The following PRIMA1 variants were observed in gnomAD, a reference collection of about 807,000 sequenced individuals.
The protein encoded by PRIMA1 is proline rich membrane anchor 1, also known as proline-rich membrane anchor 1.
Under a neutral mutation model 17.5 loss-of-function variants are expected in PRIMA1, and 7 were observed. The ratio of observed to expected loss-of-function variants is 0.40; its 90% CI spans 0.23 to 0.75. The LOEUF (loss-of-function observed/expected upper bound fraction) is 0.75. PRIMA1 is among the 30% of genes least tolerant of loss of function. The pLI, the probability that PRIMA1 is intolerant of heterozygous loss-of-function variation, is 0.37. For synonymous variants in PRIMA1, 97 were observed against 77.9 expected, an observed-to-expected ratio of 1.25 and a Z score of -1.29; for missense variants, 200 against 201.8, an observed-to-expected ratio of 0.99 and a Z score of 0.05.
At chr14:93,783,051 T>C (rs970526483) in intron 2 of PRIMA1, among the ~76,000 whole-genome samples, 1 of 152,206 alleles carries the variant, frequency 6.6e-6, no homozygotes, top group Non-Finnish European at 1.5e-5. Flanking sequence ...TCACCCCAAA[T>C]TAGACTCACC....
intron 3 of PRIMA1, among the ~76,000 whole-genome samples, chr14:93,766,640 A>T (rs1389925806): frequency 6.6e-6 from 1 of 152,220 alleles, no homozygotes; most frequent in African/African-American, 2.4e-5. Context: ...GCAGCATGAC[A>T]CAGAGAATTC....
chr14:93,733,437 C>T (rs1005752609), intron 4 of PRIMA1, among the ~76,000 whole-genome samples: 1 of 152,172 alleles, frequency 6.6e-6, no homozygotes, highest in Non-Finnish European at 1.5e-5. Flanking sequence ...GAGGGCCCTG[C>T]GGGGTGCGCC....
At chr14:93,724,064 T>C (rs2076059680) in intron 4 of PRIMA1, among the ~76,000 whole-genome samples, 1 of 152,124 alleles carries the variant, frequency 6.6e-6, no homozygotes. Context: ...TTTAAATTTT[T>C]TGTAGAGACA....
chr14:93,753,989 T>C (rs1318283498), intron 3 of PRIMA1, among the ~76,000 whole-genome samples: 2 of 152,248 alleles, frequency 1.3e-5, no homozygotes, highest in African/African-American at 2.4e-5. Context: ...CCTGCTGTGC[T>C]GTCTCTGAGC....
chr14:93,770,095 A>G lies in PRIMA1; in HGVS notation c.229+9081T>C, dbSNP rs191400603. Among the ~76,000 whole-genome samples, 7 of 152,216 alleles carry G rather than the reference A, an allele frequency of 4.6e-5. No homozygotes were observed. The East Asian group carries it at 1.4e-3, about 29-fold the overall frequency. On this transcript the variant is annotated intron_variant, in intron 3 of 4. Coordinates refer to ENST00000393140, the MANE Select transcript of PRIMA1 (RefSeq NM_178013.4). Reference sequence around the variant, plus strand: ...ATCACTGAGTGAGTCCCTGCTGCAGAATGATCTTAACTTAGACCAGGGCGT... The same window carrying G: ...ATCACTGAGTGAGTCCCTGCTGCAGGATGATCTTAACTTAGACCAGGGCGT...
intron 1 of PRIMA1, 89 bp from the exon 2 acceptor site, chr14:93,787,838 C>A: frequency 6.9e-7 from 1 of 1,439,322 alleles, no homozygotes. Flanking sequence ...CCGGGTCGGA[C>A]GGGCACGCCC....
At chr14:93,743,394 C>G (rs956398937) in intron 3 of PRIMA1, among the ~76,000 whole-genome samples, 1 of 152,252 alleles carries the variant, frequency 6.6e-6, no homozygotes, top group African/African-American at 2.4e-5. Flanking sequence ...CTGAAAGGAC[C>G]TGGCGCTTCA....
intron 2 of PRIMA1, among the ~76,000 whole-genome samples, chr14:93,785,273 A>T (rs972555280): frequency 6.6e-6 from 1 of 152,016 alleles, no homozygotes; most frequent in Non-Finnish European, 1.5e-5. Context: ...AATTCCAGAC[A>T]CATTAAAGAA....
At chr14:93,758,899 C>G (rs1012002139) in intron 3 of PRIMA1, among the ~76,000 whole-genome samples, 1 of 152,080 alleles carries the variant, frequency 6.6e-6, no homozygotes, top group Non-Finnish European at 1.5e-5. Context: ...CAAAGACAAT[C>G]GGCAATGCTA....
At chr14:93,756,414 A>G (rs536779410) in intron 3 of PRIMA1, among the ~76,000 whole-genome samples, 25 of 152,236 alleles carry the variant, frequency 1.6e-4, no homozygotes, top group South Asian at 8.3e-4. Context: ...AAAAAATGGA[A>G]AGTAAAAAAT....
At chr14:93,760,005 A>C (rs897039156) in intron 3 of PRIMA1, among the ~76,000 whole-genome samples, 5 of 152,224 alleles carry the variant, frequency 3.3e-5, no homozygotes, top group Admixed American at 1.3e-4. Context: ...GCCGGTGCTG[A>C]CAAGCTGCAG....
chr14:93,771,128 G>A (rs2141187420), intron 3 of PRIMA1, among the ~76,000 whole-genome samples: 1 of 150,144 alleles, frequency 6.7e-6, no homozygotes, highest in East Asian at 1.9e-4. Flanking sequence ...GTATGTGTGT[G>A]CATGTGCACG....
At chr14:93,745,390 C>T (rs1324872330) in intron 3 of PRIMA1, among the ~76,000 whole-genome samples, 1 of 152,194 alleles carries the variant, frequency 6.6e-6, no homozygotes, top group Non-Finnish European at 1.5e-5. Flanking sequence ...GCCCCGGGTC[C>T]CACCCTCACT....
At chr14:93,764,375 C>T (rs1391442097) in intron 3 of PRIMA1, among the ~76,000 whole-genome samples, 1 of 151,282 alleles carries the variant, frequency 6.6e-6, no homozygotes, top group Non-Finnish European at 1.5e-5. Flanking sequence ...CACCTCTCCT[C>T]TCAGCCAGCC....
At chr14:93,756,334 C>T (rs1474253865) in intron 3 of PRIMA1, among the ~76,000 whole-genome samples, 3 of 152,270 alleles carry the variant, frequency 2.0e-5, no homozygotes, top group East Asian at 3.9e-4. Flanking sequence ...CAGGCTGTGG[C>T]CTCAGACATG....
Position 93,779,188 on chromosome 14 carries a change from G to A in PRIMA1, c.217C>T (p.Leu73Phe). 6.9e-7 allele frequency: 1 copy of A among 1,451,464 alleles called. No individual in the cohort carries two copies. The allele number at this position is 1,451,464 out of a possible 1,614,324, so 89.9% of individuals were successfully genotyped here. A position where few individuals can be genotyped will look rare whatever the true frequency, so the allele number is the denominator to read the frequency against. The change falls in exon 3 of 5, where the codon CTC (leucine) becomes TTC (phenylalanine). Residue 73 changes from leucine to phenylalanine, a missense_variant. Leu to Phe is a conservative substitution (Grantham distance 22). Transcript: ENST00000393140. ...AGCCATTACTTACCTGGGGCGGAGA[G>A]GAGTCTGGGAGGTGGCGGGGGTGGG... ...PPPPPPPPRL[L>F]SAPAPNSTSC...
intron 3 of PRIMA1, among the ~76,000 whole-genome samples, chr14:93,776,489 G>A (rs923538898): frequency 2.0e-5 from 3 of 152,138 alleles, no homozygotes; most frequent in Non-Finnish European, 4.4e-5. Flanking sequence ...TCTGGGGTCT[G>A]AATGATCTCA....
chr14:93,788,660 C>G (rs1037475270), upstream of PRIMA1, among the ~76,000 whole-genome samples: 45 of 152,198 alleles, frequency 3.0e-4, no homozygotes, highest in African/African-American at 1.0e-3. Flanking sequence ...CCTCCCGGGC[C>G]GCTGAGCAGA....
intron 3 of PRIMA1, among the ~76,000 whole-genome samples, chr14:93,773,806 C>T (rs1885134805): frequency 6.6e-6 from 1 of 152,126 alleles, no homozygotes. Flanking sequence ...TCAAAAGATT[C>T]ATGGTGGCTG....
Sources: gnomAD v4.1 joint callset for allele counts (sites outside exome capture counted in the v4.1 genomes callset) on GRCh38, gnomAD v4.1.1 for gene constraint, MANE v1.5 for transcripts, NCBI Gene and HGNC (gene_info 2026-07-23, HGNC 2026-07-21) for gene names.